IGF2BP2: variants seen among roughly 807,000 people sequenced by gnomAD.
IGF2BP2 encodes the protein insulin like growth factor 2 mRNA binding protein 2.
Under a neutral mutation model 75.8 loss-of-function variants are expected in IGF2BP2, and 17 were observed. The observed-to-expected ratio is 0.22, with a 90% CI of 0.15 to 0.34. IGF2BP2 has a LOEUF of 0.34. IGF2BP2 is among the 10% of genes least tolerant of loss of function. The pLI is 1.00. For synonymous variants in IGF2BP2, 288 were observed against 295.6 expected, an observed-to-expected ratio of 0.97 and a Z score of 0.26; for missense variants, 516 against 772.4, an observed-to-expected ratio of 0.67 and a Z score of 3.93.
chr3:185,733,580 A>C (rs1728469082), intron 2 of IGF2BP2, among the ~76,000 whole-genome samples: 1 of 152,188 alleles, frequency 6.6e-6, no homozygotes, highest in Non-Finnish European at 1.5e-5. Context: ...AACATGGAGA[A>C]ACCCCATGTC....
At chr3:185,809,078 G>A (rs1018517444) in intron 2 of IGF2BP2, among the ~76,000 whole-genome samples, 1 of 151,464 alleles carries the variant, frequency 6.6e-6, no homozygotes, top group African/African-American at 2.4e-5. Flanking sequence ...TGCAATAAGC[G>A]AATAGCTAGT....
intron 6 of IGF2BP2, 37 bp downstream of exon 6, chr3:185,689,318 C>T (rs1408731771): frequency 6.3e-7 from 1 of 1,599,936 alleles, no homozygotes; most frequent in African/African-American, 1.3e-5. Flanking sequence ...CAGGGGACCC[C>T]TCAGAAGGAA....
In IGF2BP2 at chr3:185,672,681, A is replaced by G; in HGVS notation, c.1072-12T>C. The G allele has an allele frequency of 3.1e-6, 5 of 1,613,994 alleles. No homozygotes were observed. Among genetic ancestry groups the G allele is most frequent in the Non-Finnish European group, 4.2e-6 (5 of 1,179,950 alleles). On this transcript the variant is annotated splice_polypyrimidine_tract_variant and intron_variant, in intron 9 of 15. Transcript: ENST00000382199. ...AGATTGGCTTGTTGCTGGGAATAGA[A>G]ATGGAGAAAAAAGATGAAGGGAGGA...
intron 2 of IGF2BP2, among the ~76,000 whole-genome samples, chr3:185,754,593 G>C (rs1012570067): frequency 6.6e-6 from 1 of 152,176 alleles, no homozygotes; most frequent in African/African-American, 2.4e-5. Flanking sequence ...AGATGAGGGA[G>C]AGTTTGGAAC....
At chr3:185,693,594 C>T (rs1287982377) in intron 4 of IGF2BP2, among the ~76,000 whole-genome samples, 1 of 152,142 alleles carries the variant, frequency 6.6e-6, no homozygotes, top group Non-Finnish European at 1.5e-5. Context: ...TGTGAGTTGT[C>T]TTGTCTTAGA....
chr3:185,707,294 GCTTT>G (rs1327569383), intron 2 of IGF2BP2, among the ~76,000 whole-genome samples: 27 of 101,672 alleles, frequency 2.7e-4, no homozygotes, highest in Non-Finnish European at 3.5e-4. Context: ...TAACGAAGGG[GCTTT>G]TTTTTTTTTT....
chr3:185,662,543 C>CA (rs1335551300), intron 10 of IGF2BP2, among the ~76,000 whole-genome samples: 2 of 112,646 alleles, frequency 1.8e-5, no homozygotes, highest in African/African-American at 3.4e-5. Flanking sequence ...CCTTCCCATA[C>CA]TTTTTTTTTT....
chr3:185,792,710 G>A (rs1340483544), intron 2 of IGF2BP2, among the ~76,000 whole-genome samples: 3 of 150,110 alleles, frequency 2.0e-5, no homozygotes, highest in African/African-American at 7.4e-5. Context: ...AGGTTACAGT[G>A]AGCCGAGATC....
At position 185,664,598 on chromosome 3, in the gene IGF2BP2, C is replaced by T. The variant is rs1361901019; in HGVS notation, c.1201-6189G>A. 2.0e-5 allele frequency among the ~76,000 whole-genome samples: 3 copies of T among 152,012 alleles called. No homozygotes were observed. In the East Asian group the frequency reaches 5.8e-4, roughly 29 times the overall value. On this transcript the variant is annotated intron_variant, in intron 10 of 15. Coordinates refer to ENST00000382199, the MANE Select transcript of IGF2BP2 (RefSeq NM_006548.6). ...GCTTCAATAATTTGTATATAGACTG[C>T]TATGAGAAATGAACAATCAGAGAAC...
intron 2 of IGF2BP2, among the ~76,000 whole-genome samples, chr3:185,754,984 G>A (rs922856661): frequency 6.6e-6 from 1 of 152,164 alleles, no homozygotes; most frequent in African/African-American, 2.4e-5. Context: ...CAGGCCCTAT[G>A]GTAGAGAAAG....
Position 185,817,523 on chromosome 3 carries a change from C to T in IGF2BP2, c.239+5630G>A, listed in dbSNP as rs944713652. Among the ~76,000 whole-genome samples the T allele has an allele frequency of 7.9e-5, 12 of 152,216 alleles. No homozygotes were observed. The East Asian group carries it at 2.1e-3, about 27-fold the overall frequency. ...TTTTATGGAGAGACCAGACTAAAGT[C>T]CATGATCAAAACAGGAAAAGTAAAA... On this transcript the variant is annotated intron_variant, in intron 2 of 15. Coordinates refer to ENST00000382199, the MANE Select transcript of IGF2BP2 (RefSeq NM_006548.6).
chr3:185,786,521 C>G (rs898419847), intron 2 of IGF2BP2, among the ~76,000 whole-genome samples: 2 of 152,148 alleles, frequency 1.3e-5, no homozygotes, highest in Admixed American at 6.6e-5. Context: ...GAAGCTCCCC[C>G]ACTGAGCACC....
chr3:185,768,257 T>C (rs1486124052), intron 2 of IGF2BP2, among the ~76,000 whole-genome samples: 1 of 152,186 alleles, frequency 6.6e-6, no homozygotes, highest in African/African-American at 2.4e-5. Context: ...CCCAAGAGTA[T>C]CTCTATTGTT....
chr3:185,825,028 C>T lies in IGF2BP2; in HGVS notation c.-68G>A, dbSNP rs1458005208. ...CCGGCGCTCCTCGCCTCCTCCGCTG[C>T]CCTCGTCTCTCCTCCTCCTCCGCCC... On this transcript the variant is annotated 5_prime_UTR_variant, in exon 1 of 16. Coordinates refer to ENST00000382199, the MANE Select transcript of IGF2BP2 (RefSeq NM_006548.6). 4 of 1,294,818 alleles carry T rather than the reference C, an allele frequency of 3.1e-6. No individual in the cohort carries two copies. Among genetic ancestry groups the T allele is most frequent in the Non-Finnish European group, 4.1e-6 (4 of 971,564 alleles). 80.2% of individuals were successfully genotyped at this position (1,294,818 alleles called of 1,614,324 possible).
intron 2 of IGF2BP2, among the ~76,000 whole-genome samples, chr3:185,816,996 C>A (rs1413572271): frequency 4.6e-5 from 7 of 152,232 alleles, no homozygotes; most frequent in African/African-American, 1.4e-4. Context: ...GCAATGTTCC[C>A]ATACAAATTT....
At chr3:185,771,054 G>A (rs1387652769) in intron 2 of IGF2BP2, among the ~76,000 whole-genome samples, 2 of 152,008 alleles carry the variant, frequency 1.3e-5, no homozygotes, top group South Asian at 4.1e-4. Flanking sequence ...CCCAGCAAAC[G>A]GCTTTTAAAA....
At chr3:185,751,104 T>C (rs1238849281) in intron 2 of IGF2BP2, among the ~76,000 whole-genome samples, 1 of 152,148 alleles carries the variant, frequency 6.6e-6, no homozygotes. Flanking sequence ...TCCCAGCTAC[T>C]AGGGAGGCCA....
chr3:185,824,609 C>T (rs1426954694), intron 1 of IGF2BP2, among the ~76,000 whole-genome samples, 174 bp downstream of exon 1: 1 of 151,262 alleles, frequency 6.6e-6, no homozygotes, highest in African/African-American at 2.4e-5. Flanking sequence ...GGGAGGGGAG[C>T]GGGCCGTCCC....
chr3:185,716,556 C>A lies in IGF2BP2; in HGVS notation c.240-18209G>T, dbSNP rs778276147. On this transcript the variant is annotated intron_variant, in intron 2 of 15. Transcript: ENST00000382199. ...TAGCCCTCCTCAGATGCCAAGACTG[C>A]TGGGCTGGCCACCAGACTCACGTCC... 3 of 520,160 alleles carry A rather than the reference C, an allele frequency of 5.8e-6. No individual in the cohort carries two copies. The Admixed American group carries it at 5.8e-5, about 10-fold the overall frequency. 32.2% of individuals were successfully genotyped at this position (520,160 alleles called of 1,614,324 possible).
Sources: gnomAD v4.1 joint callset for allele counts (sites outside exome capture counted in the v4.1 genomes callset) on GRCh38, gnomAD v4.1.1 for gene constraint, MANE v1.5 for transcripts, NCBI Gene and HGNC (gene_info 2026-07-23, HGNC 2026-07-21) for gene names.